GRM5: variants seen among roughly 807,000 people sequenced by gnomAD.
The protein encoded by GRM5 is glutamate metabotropic receptor 5.
In GRM5, 19 loss-of-function variants were observed where a neutral mutation model predicts 83.1. The ratio of observed to expected loss-of-function variants is 0.23; its 90% confidence interval spans 0.16 to 0.34. GRM5 has a LOEUF of 0.34. Ranked by LOEUF, GRM5 falls within the 10% of genes least tolerant of loss-of-function variation. The probability of loss-of-function intolerance (pLI) is 1.00; values close to 1 mark genes in which losing one functional copy is unlikely to be tolerated. For missense variants in GRM5, 1,160 were observed against 1,588.3 expected (o/e 0.73, Z 4.58); for synonymous variants, 675 against 633.6 (o/e 1.07, Z -0.98).
intron 2 of GRM5, among the ~76,000 whole-genome samples, chr11:88,910,481 TTAAC>T (rs1008234619): frequency 1.3e-5 from 2 of 152,114 alleles, no homozygotes; most frequent in African/African-American, 4.8e-5. Context: ...AACTCTACAT[TTAAC>T]TGTTTGTGGA....
chr11:88,927,716 C>T (rs568252555), intron 2 of GRM5, among the ~76,000 whole-genome samples: 28 of 152,030 alleles, frequency 1.8e-4, no homozygotes, highest in Non-Finnish European at 2.8e-4. Context: ...AAAGTTAAGC[C>T]ACCAGTATAG....
At chr11:88,564,854 C>T (rs1299922719) in intron 8 of GRM5, among the ~76,000 whole-genome samples, 2 of 150,968 alleles carry the variant, frequency 1.3e-5, no homozygotes, top group Non-Finnish European at 1.5e-5. Flanking sequence ...ACATGAAGAT[C>T]GAGATGCCCT....
intron 4 of GRM5, among the ~76,000 whole-genome samples, chr11:88,632,266 T>TG (rs1217753894): frequency 6.8e-6 from 1 of 147,140 alleles, no homozygotes; most frequent in Non-Finnish European, 1.5e-5. Context: ...TTTTTTTTTT[T>TG]GGCAGGATCT....
At chr11:88,759,073 C>A (rs546106332) in intron 3 of GRM5, among the ~76,000 whole-genome samples, 1 of 152,172 alleles carries the variant, frequency 6.6e-6, no homozygotes, top group Admixed American at 6.5e-5. Flanking sequence ...TTACAACTCC[C>A]AAAGAAAGAA....
intron 2 of GRM5, among the ~76,000 whole-genome samples, chr11:88,927,818 A>C (rs1446706117): frequency 6.6e-6 from 1 of 152,174 alleles, no homozygotes; most frequent in Non-Finnish European, 1.5e-5. Context: ...ATTTCTTAAA[A>C]ATATTTTTTA....
intron 3 of GRM5, among the ~76,000 whole-genome samples, chr11:88,756,882 T>C (rs933684859): frequency 4.6e-5 from 7 of 152,100 alleles, no homozygotes; most frequent in African/African-American, 1.7e-4. Flanking sequence ...GAAGAACAAA[T>C]GGCTGAAAAC....
At chr11:88,916,915 C>T (rs1483649048) in intron 2 of GRM5, among the ~76,000 whole-genome samples, 2 of 152,108 alleles carry the variant, frequency 1.3e-5, no homozygotes, top group South Asian at 4.1e-4. Context: ...AGGGAACCTG[C>T]AGCCCTGAAA....
chr11:88,976,951 G>C (rs914523398), intron 2 of GRM5, among the ~76,000 whole-genome samples: 2 of 151,694 alleles, frequency 1.3e-5, no homozygotes, highest in African/African-American at 4.8e-5. Context: ...AATGAATAAT[G>C]TCATCCCTAG....
rs574411622 is a variant in GRM5 at position 89,044,836 on chromosome 11, A to C, written c.661+2376T>G. Among the ~76,000 whole-genome samples the C allele has an allele frequency of 3.0e-4, 45 of 150,984 alleles. 1 individual carries two copies. The highest frequency in any genetic ancestry group is 2.6e-3 in the Admixed American group (39 of 15,170). ...AAGATCCCACCAAGACTTTCTGAAA[A>C]ACCAAGTGGGGAGGAAAAAAAAAAA... is the stretch of plus-strand genomic sequence containing the variant. On this transcript the variant is annotated intron_variant, in intron 2 of 9. Coordinates refer to ENST00000305447, the MANE Select transcript of GRM5 (RefSeq NM_001143831.3).
intron 4 of GRM5, among the ~76,000 whole-genome samples, chr11:88,645,051 C>T (rs1414171539): frequency 6.6e-6 from 1 of 152,078 alleles, no homozygotes; most frequent in African/African-American, 2.4e-5. Context: ...GATAAACACA[C>T]CCTGATAACC....
chr11:88,666,999 T>C (rs1463733448), intron 3 of GRM5, among the ~76,000 whole-genome samples: 1 of 152,144 alleles, frequency 6.6e-6, no homozygotes, highest in African/African-American at 2.4e-5. Context: ...AGAGTGAATT[T>C]AAATACAAAT....
intron 3 of GRM5, among the ~76,000 whole-genome samples, chr11:88,658,705 T>C (rs1432827106): frequency 6.6e-6 from 1 of 152,174 alleles, no homozygotes; most frequent in African/African-American, 2.4e-5. Flanking sequence ...AAAGTATGGA[T>C]AATAGAGTGA....
intron 2 of GRM5, among the ~76,000 whole-genome samples, chr11:88,891,028 A>C (rs569021662): frequency 4.5e-4 from 68 of 152,234 alleles, no homozygotes; most frequent in Non-Finnish European, 8.4e-4. Context: ...TTGTGGAAAG[A>C]TGGTCTTTTC....
At chr11:88,965,647 G>T (rs1382017070) in intron 2 of GRM5, among the ~76,000 whole-genome samples, 27 of 151,838 alleles carry the variant, frequency 1.8e-4, no homozygotes, top group Non-Finnish European at 3.4e-4. Context: ...TCAGAACCAG[G>T]TATATATCAT....
chr11:88,626,972 G>GA (rs143968431), intron 4 of GRM5, among the ~76,000 whole-genome samples: 3,581 of 150,952 alleles, frequency 0.024, 128 homozygotes, highest in African/African-American at 0.08. Flanking sequence ...CCAGCGCTGT[G>GA]AAAAAAAAAA....
At chr11:88,941,123 C>T (rs933139811) in intron 2 of GRM5, among the ~76,000 whole-genome samples, 4 of 151,474 alleles carry the variant, frequency 2.6e-5, no homozygotes, top group Non-Finnish European at 5.9e-5. Context: ...TAATAAGAAG[C>T]AAAGTTTTTC....
intron 3 of GRM5, among the ~76,000 whole-genome samples, chr11:88,678,069 T>TTC (rs1157884827): frequency 2.0e-5 from 3 of 151,544 alleles, no homozygotes; most frequent in African/African-American, 7.3e-5. Context: ...TGAATTTTTT[T>TTC]TTTTTTAGAG....
chr11:88,724,503 A>G (rs1565202638), intron 3 of GRM5, among the ~76,000 whole-genome samples: 1 of 152,102 alleles, frequency 6.6e-6, no homozygotes, highest in Admixed American at 6.6e-5. Flanking sequence ...GGTTGCATCT[A>G]TTTTACTCAC....
At chr11:89,064,907 TGTGTGTGTGA>T (rs1942066811) in intron 1 of GRM5, among the ~76,000 whole-genome samples, 1 of 74,438 alleles carries the variant, frequency 1.3e-5, no homozygotes, top group South Asian at 6.5e-4. Flanking sequence ...TGTGTGTGTG[TGTGTGTGTGA>T]GAGAGAGAGA....
Sources: gnomAD v4.1 joint callset for allele counts (sites outside exome capture counted in the v4.1 genomes callset) on GRCh38, gnomAD v4.1.1 for gene constraint, MANE v1.5 for transcripts, NCBI Gene and HGNC (gene_info 2026-07-23, HGNC 2026-07-21) for gene names.